Variants in PPIE observed in about 807,000 individuals in gnomAD.
The protein encoded by PPIE is peptidylprolyl isomerase E, also known as peptidyl-prolyl cis-trans isomerase E.
PPIE carries 20 observed loss-of-function variants against 38.4 expected under a neutral mutation model. The ratio of observed to expected loss-of-function variants is 0.52; its 90% CI spans 0.37 to 0.76. The LOEUF (loss-of-function observed/expected upper bound fraction) is 0.76. PPIE is among the 30% of genes least tolerant of loss of function. The probability of loss-of-function intolerance (pLI) is 0.00; values close to 1 mark genes in which losing one functional copy is unlikely to be tolerated. For synonymous variants in PPIE, 142 were observed against 135.7 expected, an observed-to-expected ratio of 1.05 and a Z score of -0.32; for missense variants, 322 against 385.8, an observed-to-expected ratio of 0.83 and a Z score of 1.39.
Position 39,741,401 on chromosome 1 carries a change from T to C in PPIE, c.166T>C (p.Leu56=). 1 of 1,614,122 alleles carries C rather than the reference T, an allele frequency of 6.2e-7. No homozygotes were observed. Among genetic ancestry groups the C allele is most frequent in the Non-Finnish European group, 8.5e-7 (1 of 1,179,976 alleles). The change falls in exon 3 of 10, where the codon TTG becomes CTG. Residue 56 remains leucine (L), a synonymous_variant. Coordinates refer to ENST00000324379, the MANE Select transcript of PPIE (RefSeq NM_006112.4). ...AGGATTTGCTTTTGTTGAATTTGAG[T>C]TGGCAGAGGTGAGAGTCTGTGTTAC... The part of the protein sequence containing the change: ...HRGFAFVEFE[L]AEDAAAAIDN...
chr1:39,742,518 A>G (rs961013822), intron 4 of PPIE: 2 of 141,142 alleles, frequency 1.4e-5, no homozygotes, highest in Non-Finnish European at 3.0e-5. Context: ...TTTTTTAACA[A>G]TCTTGAACTC....
At chr1:39,750,429 C>T (rs949555162) in intron 8 of PPIE, among the ~76,000 whole-genome samples, 1 of 152,130 alleles carries the variant, frequency 6.6e-6, no homozygotes, top group African/African-American at 2.4e-5. Flanking sequence ...GTTGAGTGTC[C>T]CTTTCCTGAA....
At position 39,755,701 on chromosome 1, in the gene PPIE, G is replaced by T; in HGVS notation, c.*2346G>T. 2 of 985,322 alleles carry T rather than the reference G, an allele frequency of 2.0e-6. No individual in the cohort carries two copies. The highest frequency in any genetic ancestry group is 2.4e-6 in the Non-Finnish European group (2 of 829,814). 61.0% of individuals were successfully genotyped at this position (985,322 alleles called of 1,614,324 possible). On this transcript the variant is annotated 3_prime_UTR_variant, in exon 10 of 10. Coordinates refer to ENST00000324379, the MANE Select transcript of PPIE (RefSeq NM_006112.4). ...TCACTCTGTTCCTCCCTGATACTCT[G>T]GGGAGGTGGAGGCCAGTGGGCAGTT...
chr1:39,751,527 T>C (rs1457182783), intron 8 of PPIE, among the ~76,000 whole-genome samples: 1 of 152,170 alleles, frequency 6.6e-6, no homozygotes, highest in Non-Finnish European at 1.5e-5. Context: ...GCCAGGCTAA[T>C]TTTTAAGTTT....
rs537628076 is a variant in PPIE at position 39,755,993 on chromosome 1, G to C, written c.*2638G>C. On this transcript the variant is annotated 3_prime_UTR_variant, in exon 10 of 10. Coordinates refer to ENST00000324379, the MANE Select transcript of PPIE (RefSeq NM_006112.4). ...TGGCGGCAGGGTCCACAGCCCTGGG[G>C]AGTGACACAGTCATGGTCCCCATGA... 1.0e-6 allele frequency: 1 copy of C among 985,404 alleles called. No individual in the cohort carries two copies. The highest frequency in any genetic ancestry group is 1.7e-5 in the African/African-American group (1 of 57,346). The allele number at this position is 985,404 out of a possible 1,614,324, so 61.0% of individuals were successfully genotyped here. A position where few individuals can be genotyped will look rare whatever the true frequency, so the allele number is the denominator to read the frequency against.
rs1258761700 is a variant in PPIE, at chr1:39,756,759, A to G, written c.*3404A>G. On this transcript the variant is annotated 3_prime_UTR_variant, in exon 10 of 10. Transcript: ENST00000324379. Reference sequence around the variant, plus strand: ...AAAAAAAGCCTAGAAATAAAGCCACAAAAATATTAATAGTGTGTTTATTTG... The same window carrying G: ...AAAAAAAGCCTAGAAATAAAGCCACGAAAATATTAATAGTGTGTTTATTTG... 2 of 267,632 alleles carry G rather than the reference A, an allele frequency of 7.5e-6. No individual in the cohort carries two copies. Among genetic ancestry groups the G allele is most frequent in the African/African-American group, 4.6e-5 (2 of 43,578 alleles). The allele number at this position is 267,632 out of a possible 1,614,324, so 16.6% of individuals were successfully genotyped here. A position where few individuals can be genotyped will look rare whatever the true frequency, so the allele number is the denominator to read the frequency against.
intron 8 of PPIE, among the ~76,000 whole-genome samples, chr1:39,751,317 A>T (rs2124357450): frequency 6.6e-6 from 1 of 152,286 alleles, no homozygotes; most frequent in Admixed American, 6.5e-5. Context: ...CACATTTTTT[A>T]CCTATACCAA....
In PPIE at chr1:39,762,329, G is replaced by A. The variant is rs948500964; in HGVS notation, c.838-1360G>A. 3.6e-5 allele frequency: 24 copies of A among 659,230 alleles called. No individual in the cohort carries two copies. In the East Asian group the frequency reaches 4.1e-4, roughly 11 times the overall value. 40.8% of individuals were successfully genotyped at this position (659,230 alleles called of 1,614,324 possible). ...TGCTGCGATTACAGGGTGAGCCACC[G>A]CACCTGATCAAGGCATCACCGTTGA... On this transcript the variant is annotated intron_variant, in intron 9 of 9. Transcript: ENST00000356511.
At chr1:39,757,935 G>GT (rs1190832481), downstream of PPIE, 1 of 152,210 alleles carries the variant, frequency 6.6e-6, no homozygotes, top group Admixed American at 6.5e-5. Context: ...AAAGCCTTAT[G>GT]TTTTTCCATT....
rs1446880716 is a variant in PPIE at position 39,754,076 on chromosome 1, T to G, written c.*721T>G. 1.0e-6 allele frequency: 1 copy of G among 985,166 alleles called. No individual in the cohort carries two copies. Among genetic ancestry groups the G allele is most frequent in the Non-Finnish European group, 1.2e-6 (1 of 829,778 alleles). The allele number at this position is 985,166 out of a possible 1,614,324, so 61.0% of individuals were successfully genotyped here. On this transcript the variant is annotated 3_prime_UTR_variant, in exon 10 of 10. Coordinates refer to ENST00000324379, the MANE Select transcript of PPIE (RefSeq NM_006112.4). ...TCTCTGTGCCAAGTACTATGCCTAT[T>G]TGTCAGGAGACAGGAAGCCAACAAA... is the stretch of plus-strand genomic sequence containing the variant.
chr1:39,743,082 T>G, intron 4 of PPIE, 134 bp from the exon 5 acceptor site: 1 of 713,434 alleles, frequency 1.4e-6, no homozygotes, highest in Non-Finnish European at 2.4e-6. Context: ...TTGGGGTGGC[T>G]GCATAGCTTA....
At chr1:39,738,960 C>T in intron 1 of PPIE, 29 bp downstream of exon 1, 2 of 1,444,534 alleles carry the variant, frequency 1.4e-6, no homozygotes, top group Non-Finnish European at 1.8e-6. Context: ...TAGGCGGAGT[C>T]TGAGTGAACG....
At chr1:39,743,582 G>C (rs1000306617) in intron 5 of PPIE, among the ~76,000 whole-genome samples, 6 of 152,160 alleles carry the variant, frequency 3.9e-5, no homozygotes, top group African/African-American at 1.4e-4. Flanking sequence ...TCTCCATCAA[G>C]GGCTGAAATC....
At chr1:39,752,476 T>TACACAC in intron 8 of PPIE, among the ~76,000 whole-genome samples, 1 of 152,248 alleles carries the variant, frequency 6.6e-6, no homozygotes, top group Non-Finnish European at 1.5e-5. Flanking sequence ...CATGTACACA[T>TACACAC]ACACACACAG....
At chr1:39,748,754 A>G (rs1647379544) in intron 7 of PPIE, 149 bp from the exon 8 acceptor site, 2 of 696,772 alleles carry the variant, frequency 2.9e-6, no homozygotes, top group African/African-American at 3.6e-5. Flanking sequence ...AGAATCCCTT[A>G]TAGTCCTTAC....
Position 39,756,126 on chromosome 1 carries a change from A to G in PPIE, c.*2771A>G. ...CAGTGGCATGCCCCACAGCCTGGCC[A>G]CCTGCTTCGGCTACGCACCATGCAG... On this transcript the variant is annotated 3_prime_UTR_variant, in exon 10 of 10. Coordinates refer to ENST00000324379, the MANE Select transcript of PPIE (RefSeq NM_006112.4). 3.0e-6 allele frequency: 3 copies of G among 985,378 alleles called. No individual in the cohort carries two copies. Among genetic ancestry groups the G allele is most frequent in the Non-Finnish European group, 3.6e-6 (3 of 829,906 alleles). The allele number at this position is 985,378 out of a possible 1,614,324, so 61.0% of individuals were successfully genotyped here. A position where few individuals can be genotyped will look rare whatever the true frequency, so the allele number is the denominator to read the frequency against.
At chr1:39,751,963 TGTG>T (rs1252521356) in intron 8 of PPIE, among the ~76,000 whole-genome samples, 1 of 151,872 alleles carries the variant, frequency 6.6e-6, no homozygotes, top group Non-Finnish European at 1.5e-5. Context: ...ATTATCCAGG[TGTG>T]GTGGTGCACG....
rs780677615 is a variant in PPIE, at chr1:39,752,951, T to G, written c.736T>G (p.Ser246Ala). 1 of 1,614,048 alleles carries G rather than the reference T, an allele frequency of 6.2e-7. No individual in the cohort carries two copies. The highest frequency in any genetic ancestry group is 8.5e-7 in the Non-Finnish European group (1 of 1,180,022). Residue 246 changes from serine (S) to alanine (A), a missense_variant, in exon 9 of 10, where the codon TCT becomes GCT. By Grantham distance (99) the Ser-to-Ala change is moderately conservative. Coordinates refer to ENST00000324379, the MANE Select transcript of PPIE (RefSeq NM_006112.4). ...MANSGPNTNG[S>A]QFFLTCDKTD... ...CAACTCTGGCCCAAACACCAATGGC[T>G]CTCAGTTCTTCCTGACATGTGACAA...
At chr1:39,758,832 A>T (rs930961085), downstream of PPIE, 6 of 152,184 alleles carry the variant, frequency 3.9e-5, no homozygotes, top group African/African-American at 1.4e-4. Flanking sequence ...GCGCTTGCAC[A>T]TGGAGGCCCT....
Sources: gnomAD v4.1 joint callset for allele counts (sites outside exome capture counted in the v4.1 genomes callset) on GRCh38, gnomAD v4.1.1 for gene constraint, MANE v1.5 for transcripts, NCBI Gene and HGNC (gene_info 2026-07-23, HGNC 2026-07-21) for gene names.